The following BORA variants were observed in gnomAD, a reference collection of about 807,000 sequenced individuals.
The protein encoded by BORA is BORA aurora kinase A activator, also known as protein aurora borealis.
Under a neutral mutation model 55.8 loss-of-function variants are expected in BORA, and 26 were observed. The observed-to-expected ratio is 0.47, with a 90% CI of 0.34 to 0.65. The LOEUF is 0.65. BORA is among the 30% of genes least tolerant of loss of function. The pLI is 0.01. For synonymous variants in BORA, 201 were observed against 216.9 expected, an observed-to-expected ratio of 0.93 and a Z score of 0.64; for missense variants, 568 against 671.5, an observed-to-expected ratio of 0.85 and a Z score of 1.70.
intron 4 of BORA, 82 bp from the exon 5 acceptor site, chr13:72,737,880 A>G (rs2032960351): frequency 5.0e-6 from 4 of 798,446 alleles, no homozygotes; most frequent in Non-Finnish European, 7.7e-6. Context: ...TGACATGTTT[A>G]ATAATTACTT....
At chr13:72,754,196 C>G (rs1277683816) in intron 11 of BORA, 1 of 162,424 alleles carries the variant, frequency 6.2e-6, no homozygotes, top group Non-Finnish European at 1.3e-5. Flanking sequence ...TGCTGTGTTG[C>G]CCAGGCTGGT....
intron 2 of BORA, among the ~76,000 whole-genome samples, chr13:72,730,286 A>G (rs986660813): frequency 1.3e-5 from 2 of 152,186 alleles, no homozygotes; most frequent in African/African-American, 4.8e-5. Flanking sequence ...CATTTCATCA[A>G]TCTGACCTTA....
rs1290736390 is a variant in BORA at position 72,746,610 on chromosome 13, T to G, written c.981T>G (p.Ile327Met). Residue 327 changes from isoleucine (I) to methionine (M), a missense_variant, in exon 10 of 12, where the codon ATT becomes ATG. Coordinates refer to ENST00000390667, the MANE Select transcript of BORA (RefSeq NM_024808.5). The stretch of plus-strand genomic sequence containing the variant: ...CTTATATAGATGGCTGCTCGCCAAT[T>G]AAAAATTGGTCTCCTATGAGACTTC... The part of the protein sequence containing the change: ...RSPYIDGCSP[I>M]KNWSPMRLQM... 1.2e-6 allele frequency: 2 copies of G among 1,614,104 alleles called. No individual in the cohort carries two copies. Among genetic ancestry groups the G allele is most frequent in the Non-Finnish European group, 1.7e-6 (2 of 1,179,988 alleles).
chr13:72,744,369 C>T, intron 6 of BORA, 136 bp from the exon 7 acceptor site: 1 of 716,998 alleles, frequency 1.4e-6, no homozygotes, highest in Non-Finnish European at 2.3e-6. Context: ...TGATAGAATG[C>T]AGAAATGAAT....
Position 72,739,459 on chromosome 13 carries a change from C to T in BORA, c.388+1416C>T, listed in dbSNP as rs145633454. The stretch of plus-strand genomic sequence containing the variant: ...TCTCCATAGGCCTCACATTTCTGCA[C>T]ACCTTTCATGAAGTGGCATGGACAA... On this transcript the variant is annotated intron_variant, in intron 5 of 11. Coordinates refer to ENST00000390667, the MANE Select transcript of BORA (RefSeq NM_024808.5). Among the ~76,000 whole-genome samples, 270 of 152,306 alleles carry T rather than the reference C, an allele frequency of 1.8e-3. 4 individuals are homozygous for T. In the South Asian group the frequency reaches 0.018, roughly 10 times the overall value.
At chr13:72,739,102 G>T (rs554675634) in intron 5 of BORA, among the ~76,000 whole-genome samples, 7 of 152,200 alleles carry the variant, frequency 4.6e-5, no homozygotes, top group African/African-American at 1.7e-4. Flanking sequence ...TTTTATTTGT[G>T]AAATAAAAGG....
chr13:72,740,571 A>G (rs551326137), intron 5 of BORA, among the ~76,000 whole-genome samples: 7 of 152,168 alleles, frequency 4.6e-5, no homozygotes, highest in African/African-American at 1.4e-4. Flanking sequence ...AAAATGTTCT[A>G]TTGGATGCTA....
rs181108827 is a variant in BORA at position 72,728,149 on chromosome 13, A to G, written c.-16+142A>G. 8.5e-6 allele frequency: 10 copies of G among 1,177,332 alleles called. No individual in the cohort carries two copies. In the East Asian group the frequency reaches 2.0e-4, roughly 24 times the overall value. 72.9% of individuals were successfully genotyped at this position (1,177,332 alleles called of 1,614,324 possible). On this transcript the variant is annotated intron_variant, in intron 1 of 11. Coordinates refer to ENST00000390667, the MANE Select transcript of BORA (RefSeq NM_024808.5). ...TAGGTGTGGAAGAGAGGGGCACCAG[A>G]AAGAGTGGCCACGTAGGGTTGGGGG...
chr13:72,731,817 C>T (rs558698609), intron 3 of BORA, among the ~76,000 whole-genome samples: 1 of 152,280 alleles, frequency 6.6e-6, no homozygotes, highest in Admixed American at 6.5e-5. Flanking sequence ...CAAAGAGTTA[C>T]GTATGCACTG....
chr13:72,746,589 T>C lies in BORA; in HGVS notation c.960T>C (p.Tyr320=), dbSNP rs201961514. The C allele has an allele frequency of 2.7e-5, 44 of 1,614,124 alleles. No individual in the cohort carries two copies. The East Asian group carries it at 9.6e-4, about 35-fold the overall frequency. Reference sequence around the variant, plus strand: ...CTAATCCGTGTATCAGAAGTCCTTATATAGATGGCTGCTCGCCAATTAAAA... The same window carrying C: ...CTAATCCGTGTATCAGAAGTCCTTACATAGATGGCTGCTCGCCAATTAAAA... ...GITNPCIRSP[Y]IDGCSPIKNW... is the part of the protein sequence containing the mutation. The change falls in exon 10 of 12, where the codon TAT becomes TAC. Residue 320 remains tyrosine, a synonymous_variant. Coordinates refer to ENST00000390667, the MANE Select transcript of BORA (RefSeq NM_024808.5).
chr13:72,736,198 A>G (rs1440804071), intron 4 of BORA, among the ~76,000 whole-genome samples: 6 of 152,084 alleles, frequency 3.9e-5, no homozygotes, highest in Admixed American at 3.9e-4. Context: ...TTGAAAAAAT[A>G]CTTTCTTTAA....
At chr13:72,737,889 T>G in intron 4 of BORA, 73 bp from the exon 5 acceptor site, 1 of 926,984 alleles carries the variant, frequency 1.1e-6, no homozygotes, top group Non-Finnish European at 1.6e-6. Flanking sequence ...TAATAATTAC[T>G]TGGAAAAACA....
At chr13:72,754,144 G>A (rs2033367267) in intron 11 of BORA, 1 of 184,772 alleles carries the variant, frequency 5.4e-6, no homozygotes, top group South Asian at 1.3e-4. Flanking sequence ...AATTTTATGT[G>A]CCAATTTTTT....
chr13:72,743,372 TA>T (rs905408515), intron 5 of BORA, among the ~76,000 whole-genome samples, 164 bp from the exon 6 acceptor site: 5 of 152,112 alleles, frequency 3.3e-5, no homozygotes, highest in African/African-American at 7.2e-5. Flanking sequence ...CCCTCAAAGG[TA>T]AAAAAATAAT....
At chr13:72,743,392 A>G (rs1440712536) in intron 5 of BORA, 145 bp from the exon 6 acceptor site, 18 of 470,368 alleles carry the variant, frequency 3.8e-5, no homozygotes, top group Non-Finnish European at 5.9e-5. Flanking sequence ...ATAGAAACAT[A>G]CCAAAATATA....
chr13:72,730,597 T>G (rs1566218383), intron 2 of BORA, among the ~76,000 whole-genome samples: 1 of 152,210 alleles, frequency 6.6e-6, no homozygotes, highest in Non-Finnish European at 1.5e-5. Context: ...AGTTCCTTCT[T>G]AGTGAAAGTA....
At chr13:72,738,093 A>G (rs2032967375) in intron 5 of BORA, 50 bp downstream of exon 5, 6 of 1,319,414 alleles carry the variant, frequency 4.5e-6, no homozygotes, top group Non-Finnish European at 6.4e-6. Context: ...GTCGGTGAAT[A>G]TAAAGCAACA....
Position 72,743,067 on chromosome 13 carries a change from G to A in BORA, c.389-470G>A, listed in dbSNP as rs145028614. On this transcript the variant is annotated intron_variant, in intron 5 of 11. Transcript: ENST00000390667. ...AGGGTACAAAGTTTCAGTTAGACAG[G>A]AGGAATAAGTTCTGGTGATCTGTTG... Among the ~76,000 whole-genome samples the A allele has an allele frequency of 7.6e-3, 1,163 of 152,224 alleles. 15 individuals carry two copies. The highest frequency in any genetic ancestry group is 0.014 in the Middle Eastern group (4 of 294).
At position 72,755,249 on chromosome 13, in the gene BORA, A is replaced by G; in HGVS notation, c.*33A>G. The G allele has an allele frequency of 6.4e-7, 1 of 1,559,624 alleles. No homozygotes were observed. Among genetic ancestry groups the G allele is most frequent in the East Asian group, 2.2e-5 (1 of 44,594 alleles). Reference sequence around the variant, plus strand: ...CTGTCAGAATCAAAGACTAAGCTTAAGAGTTCCTCGCATATATCGTTGTGC... The same window carrying G: ...CTGTCAGAATCAAAGACTAAGCTTAGGAGTTCCTCGCATATATCGTTGTGC... On this transcript the variant is annotated 3_prime_UTR_variant, in exon 12 of 12. Transcript: ENST00000390667.
Sources: allele counts gnomAD v4.1 joint callset (sites outside exome capture counted in the v4.1 genomes callset), GRCh38; gene constraint gnomAD v4.1.1; transcripts MANE v1.5; gene names NCBI Gene and HGNC (gene_info 2026-07-23, HGNC 2026-07-21).